Variants in GBP2 observed in about 807,000 individuals in gnomAD.
The protein encoded by GBP2 is guanylate binding protein 2.
GBP2 carries 54 observed loss-of-function variants against 60.8 expected under a neutral mutation model. The ratio of observed to expected loss-of-function variants is 0.89; its 90% CI spans 0.71 to 1.11. GBP2 has a LOEUF of 1.11. GBP2 is among the 50% of genes most tolerant of loss of function. The pLI is 0.00. For missense variants in GBP2, 665 were observed against 703.3 expected, an observed-to-expected ratio of 0.95 and a Z score of 0.62; for synonymous variants, 243 against 256.5, an observed-to-expected ratio of 0.95 and a Z score of 0.50.
chr1:89,115,541 C>G (rs1034539739), intron 6 of GBP2, among the ~76,000 whole-genome samples: 2 of 152,206 alleles, frequency 1.3e-5, no homozygotes, highest in African/African-American at 4.8e-5. Flanking sequence ...TTATACCCCT[C>G]CAATTATGAC....
rs1487552956 is a variant in GBP2, at chr1:89,114,003, A to G, written c.1149+13T>C. The G allele has an allele frequency of 1.2e-6, 2 of 1,613,868 alleles. No individual in the cohort carries two copies. Among genetic ancestry groups the G allele is most frequent in the Middle Eastern group, 1.6e-4 (1 of 6,062 alleles). On this transcript the variant is annotated intron_variant, in intron 7 of 10. Transcript: ENST00000370466. ...ATTTTTCTGCCTCTCATGACGTAGAACACCAAATATACCCCTAATTTCCTC... is the reference window on the plus strand; with the variant it reads ...ATTTTTCTGCCTCTCATGACGTAGAGCACCAAATATACCCCTAATTTCCTC...
Position 89,106,445 on chromosome 1 carries a change from T to C in GBP2, c.*1730A>G, listed in dbSNP as rs1681054602. 1 of 152,210 alleles carries C rather than the reference T, an allele frequency of 6.6e-6. No homozygotes were observed. Among genetic ancestry groups the C allele is most frequent in the African/African-American group, 2.4e-5 (1 of 41,442 alleles). The allele number at this position is 152,210 out of a possible 1,614,324, so 9.4% of individuals were successfully genotyped here. A position where few individuals can be genotyped will look rare whatever the true frequency, so the allele number is the denominator to read the frequency against. On this transcript the variant is annotated 3_prime_UTR_variant, in exon 11 of 11. Coordinates refer to ENST00000370466, the MANE Select transcript of GBP2 (RefSeq NM_004120.5). ...CCTATTAAGTCTTTCTTAAGTATCA[T>C]TGTTAAAAACTAAGAATAACTTAAA...
rs1681075601 is a variant in GBP2, at chr1:89,107,296, TAGG to T, written c.*876_*878del. Among the ~76,000 whole-genome samples the T allele has an allele frequency of 6.6e-6, 1 of 152,164 alleles. No individual in the cohort carries two copies. Among genetic ancestry groups the T allele is most frequent in the African/African-American group, 2.4e-5 (1 of 41,424 alleles). On this transcript the variant is annotated 3_prime_UTR_variant, in exon 11 of 11. Coordinates refer to ENST00000370466, the MANE Select transcript of GBP2 (RefSeq NM_004120.5). ...CAGAGAGAAAAATGCAGTCAAGTTTTAGGCTTTATAGGATTATAGTCCTGGTCC... is the reference window on the plus strand; with the variant it reads ...CAGAGAGAAAAATGCAGTCAAGTTTTCTTTATAGGATTATAGTCCTGGTCC...
chr1:89,115,115 A>G (rs1267029601), intron 6 of GBP2, among the ~76,000 whole-genome samples: 2 of 152,206 alleles, frequency 1.3e-5, no homozygotes, highest in African/African-American at 4.8e-5. Flanking sequence ...TGATGCTACT[A>G]TCTCATTAAA....
rs377010688 is a variant in GBP2 at position 89,117,572 on chromosome 1, G to A, written c.625+5C>T. The A allele has an allele frequency of 2.0e-5, 33 of 1,610,622 alleles. No homozygotes were observed. Among genetic ancestry groups the A allele is most frequent in the Non-Finnish European group, 2.5e-5 (29 of 1,178,100 alleles). On this transcript the variant is annotated splice_donor_5th_base_variant and intron_variant, in intron 5 of 10. Coordinates refer to ENST00000370466, the MANE Select transcript of GBP2 (RefSeq NM_004120.5). ...ATTACCCAACCAAGCATCAGACCCA[G>A]TAACCTTTTCTTAGCTTTAGCGAAA...
chr1:89,110,250 T>C lies in GBP2; in HGVS notation c.1379A>G (p.Lys460Arg). 6.2e-7 allele frequency: 1 copy of C among 1,613,506 alleles called. No homozygotes were observed. The highest frequency in any genetic ancestry group is 8.5e-7 in the Non-Finnish European group (1 of 1,179,554). The part of the protein sequence containing the change: ...RKGIQAKEVL[K>R]KYLESKEDVA... ...ATCCTCCTTGGACTCCAAATATTTT[T>C]TCAGCACCTCTTTGGCCTGGTTATA... is the stretch of plus-strand genomic sequence containing the variant. The change falls in exon 9 of 11, where the codon AAA (lysine) becomes AGA (arginine). Residue 460 changes from lysine (K) to arginine (R), a missense_variant. Lys to Arg is a conservative substitution (Grantham distance 26). Transcript: ENST00000370466.
Position 89,117,610 on chromosome 1 carries a change from C to T in GBP2, c.592G>A (p.Asp198Asn). The change falls in exon 5 of 11, where the codon GAC becomes AAC. Residue 198 changes from aspartate (D) to asparagine (N), a missense_variant. Transcript: ENST00000370466. ...AGCTTTAGCGAAAGCTCCAAGTAGTCATCAGCAGTGATGGGTTCTCCATCT... is the reference window on the plus strand; with the variant it reads ...AGCTTTAGCGAAAGCTCCAAGTAGTTATCAGCAGTGATGGGTTCTCCATCT... ...EVDGEPITADDYLELSLKLRK... is the reference protein window; with the variant it reads ...EVDGEPITADNYLELSLKLRK... 1.9e-6 allele frequency: 3 copies of T among 1,614,088 alleles called. No individual in the cohort carries two copies. The highest frequency in any genetic ancestry group is 2.5e-6 in the Non-Finnish European group (3 of 1,179,966).
At chr1:89,116,912 C>A (rs1465488764) in intron 6 of GBP2, 80 bp downstream of exon 6, 15 of 1,436,944 alleles carry the variant, frequency 1.0e-5, no homozygotes, top group Non-Finnish European at 1.4e-5. Flanking sequence ...CAGAAGTGAC[C>A]CTTATGCTTT....
At chr1:89,113,900 T>A in intron 7 of GBP2, 116 bp downstream of exon 7, 1 of 1,221,008 alleles carries the variant, frequency 8.2e-7, no homozygotes, top group Non-Finnish European at 1.2e-6. Context: ...CTTTTAATGA[T>A]TATTTCAAAT....
intron 1 of GBP2, among the ~76,000 whole-genome samples, chr1:89,122,475 G>A (rs1464338759): frequency 6.6e-6 from 1 of 152,070 alleles, no homozygotes; most frequent in Non-Finnish European, 1.5e-5. Context: ...AAGTTGACTG[G>A]CTATGATTTT....
Position 89,108,194 on chromosome 1 carries a change from G to T in GBP2, c.1757C>A (p.Pro586Gln). 1 of 1,608,938 alleles carries T rather than the reference G, an allele frequency of 6.2e-7. No homozygotes were observed. The change falls in exon 11 of 11, where the codon CCA becomes CAA. Residue 586 changes from proline (P) to glutamine (Q), a missense_variant. Physicochemically the swap from Pro to Gln is moderately conservative, Grantham distance 76. Coordinates refer to ENST00000370466, the MANE Select transcript of GBP2 (RefSeq NM_004120.5). ...GGACTTTTAGAGTATGTTACATATT[G>T]GCTCCAATGATTTGCTTCTCATCTG... The part of the protein sequence containing the change: ...DIQMRSKSLE[P>Q]ICNIL
At chr1:89,112,368 G>A (rs1681184086) in intron 8 of GBP2, 104 bp downstream of exon 8, 5 of 864,178 alleles carry the variant, frequency 5.8e-6, no homozygotes, top group Non-Finnish European at 7.5e-6. Flanking sequence ...ATGAAAGGCA[G>A]AGGCCCTAGG....
In GBP2 at chr1:89,107,933, G is replaced by A; in HGVS notation, c.*242C>T. On this transcript the variant is annotated 3_prime_UTR_variant, in exon 11 of 11. Coordinates refer to ENST00000370466, the MANE Select transcript of GBP2 (RefSeq NM_004120.5). ...TCCTTGTGTATGATTTCAAATATAG[G>A]ATTTAGTTAAAGATCATATTAAAAG... is the stretch of plus-strand genomic sequence containing the variant. 1 of 336,576 alleles carries A rather than the reference G, an allele frequency of 3.0e-6. No homozygotes were observed. The highest frequency in any genetic ancestry group is 5.5e-6 in the Non-Finnish European group (1 of 182,534). The allele number at this position is 336,576 out of a possible 1,614,324, so 20.8% of individuals were successfully genotyped here.
chr1:89,111,657 A>T (rs1681169379), intron 8 of GBP2, among the ~76,000 whole-genome samples: 1 of 150,432 alleles, frequency 6.6e-6, no homozygotes, highest in South Asian at 2.1e-4. Context: ...GGAGGTGGGG[A>T]TGGTTAATGG....
chr1:89,125,228 A>G (rs1166508930), intron 1 of GBP2, among the ~76,000 whole-genome samples: 1 of 152,204 alleles, frequency 6.6e-6, no homozygotes, highest in Non-Finnish European at 1.5e-5. Flanking sequence ...TGCTTTGTTT[A>G]TAATATGGAG....
intron 9 of GBP2, 52 bp from the exon 10 acceptor site, chr1:89,109,922 T>C (rs1681130926): frequency 6.7e-7 from 1 of 1,489,226 alleles, no homozygotes; most frequent in East Asian, 2.3e-5. Context: ...TTGTAGGTGT[T>C]CCCTTTTCCT....
At position 89,108,129 on chromosome 1, in the gene GBP2, T is replaced by C; in HGVS notation, c.*46A>G. ...TCTGAAGTTGCTCATTCATGTTGTT[T>C]CTTGGGGAGAGGGAGCTGGACAGGC... On this transcript the variant is annotated 3_prime_UTR_variant, in exon 11 of 11. Transcript: ENST00000370466. 2.0e-6 allele frequency: 2 copies of C among 1,009,626 alleles called. No homozygotes were observed. Among genetic ancestry groups the C allele is most frequent in the South Asian group, 1.3e-5 (1 of 75,618 alleles). 62.5% of individuals were successfully genotyped at this position (1,009,626 alleles called of 1,614,324 possible).
In GBP2 at chr1:89,106,373, A is replaced by G. The variant is rs1298911069; in HGVS notation, c.*1802T>C. The G allele has an allele frequency of 6.6e-6, 1 of 152,230 alleles. No individual in the cohort carries two copies. Among genetic ancestry groups the G allele is most frequent in the African/African-American group, 2.4e-5 (1 of 41,466 alleles). 9.4% of individuals were successfully genotyped at this position (152,230 alleles called of 1,614,324 possible). ...TTAAATACAAATGAACTAATATGTTAAATTGTGTTCCCAGGGTTGGGGAAT... is the reference window on the plus strand; with the variant it reads ...TTAAATACAAATGAACTAATATGTTGAATTGTGTTCCCAGGGTTGGGGAAT... On this transcript the variant is annotated 3_prime_UTR_variant, in exon 11 of 11. Coordinates refer to ENST00000370466, the MANE Select transcript of GBP2 (RefSeq NM_004120.5).
intron 3 of GBP2, among the ~76,000 whole-genome samples, chr1:89,120,922 C>A (rs1180382913): frequency 6.6e-6 from 1 of 152,000 alleles, no homozygotes; most frequent in Admixed American, 6.6e-5. Context: ...ACATCATTAG[C>A]CATTATTTCA....
Sources: allele counts gnomAD v4.1 joint callset (sites outside exome capture counted in the v4.1 genomes callset), GRCh38; gene constraint gnomAD v4.1.1; transcripts MANE v1.5; gene names NCBI Gene and HGNC (gene_info 2026-07-23, HGNC 2026-07-21).